STAT5A: variants seen among roughly 807,000 people sequenced by gnomAD.
The protein encoded by STAT5A is epididymis secretory sperm binding protein.
STAT5A carries 26 observed loss-of-function variants against 100.2 expected under a neutral mutation model. The observed-to-expected ratio is 0.26, with a 90% CI of 0.19 to 0.36. The LOEUF (loss-of-function observed/expected upper bound fraction) is 0.36, where lower values mean the gene tolerates loss of function less well. STAT5A is among the 10% of genes least tolerant of loss of function. The pLI is 1.00. For synonymous variants in STAT5A, 330 were observed against 424.3 expected (o/e 0.78, Z 2.73); for missense variants, 634 against 1,027.5 (o/e 0.62, Z 5.24).
chr17:42,296,621 C>CTTCTTTTCTTTTTTTCTTT (rs1555558032), intron 5 of STAT5A, among the ~76,000 whole-genome samples: 1 of 152,018 alleles, frequency 6.6e-6, no homozygotes, highest in Non-Finnish European at 1.5e-5. Context: ...TTAGACCTTT[C>CTTCTTTTCTTTTTTTCTTT]TTCTTTTCTT....
chr17:42,300,594 A>C (rs886247105), intron 7 of STAT5A, 121 bp from the exon 8 acceptor site: 4 of 883,258 alleles, frequency 4.5e-6, no homozygotes, highest in African/African-American at 1.7e-5. Flanking sequence ...TGCTCTTCCC[A>C]TGGGTGGGAA....
At chr17:42,307,185 G>A (rs2081037144) in intron 13 of STAT5A, among the ~76,000 whole-genome samples, 1 of 152,164 alleles carries the variant, frequency 6.6e-6, no homozygotes, top group South Asian at 2.1e-4. Flanking sequence ...CCACCCTTGG[G>A]CTGGTCTTGG....
rs1223535497 is a variant in STAT5A, at chr17:42,301,440, T to C, written c.1155T>C (p.Asn385=). 1.2e-6 allele frequency: 2 copies of C among 1,613,998 alleles called. No individual in the cohort carries two copies. Among genetic ancestry groups the C allele is most frequent in the Non-Finnish European group, 8.5e-7 (1 of 1,180,008 alleles). ...SEQQAKSLLK[N]ENTRNECSGE... ...AGCAGGCCAAGTCTCTGCTTAAAAATGAGAACACCCGCAAGTAATTGTGCC... is the reference window on the plus strand; with the variant it reads ...AGCAGGCCAAGTCTCTGCTTAAAAACGAGAACACCCGCAAGTAATTGTGCC... Residue 385 remains asparagine (N), a synonymous_variant, in exon 9 of 19, where the codon AAT becomes AAC. Transcript: ENST00000590949.
chr17:42,304,329 C>A lies in STAT5A; in HGVS notation c.1170-13C>A. The A allele has an allele frequency of 6.2e-7, 1 of 1,613,826 alleles. No individual in the cohort carries two copies. The highest frequency in any genetic ancestry group is 1.1e-5 in the South Asian group (1 of 91,068). On this transcript the variant is annotated splice_polypyrimidine_tract_variant and intron_variant, in intron 9 of 18. Coordinates refer to ENST00000590949, the MANE Select transcript of STAT5A (RefSeq NM_001288718.2). The surrounding 1 kb of genome is among the most constrained non-coding windows in gnomAD (Gnocchi z 4.8). ...GGGCCCATGTGGAGCTGGGACCCCCCTCTCCTTTGCAGCGAGTGCAGTGGT... is the reference window on the plus strand; with the variant it reads ...GGGCCCATGTGGAGCTGGGACCCCCATCTCCTTTGCAGCGAGTGCAGTGGT...
intron 4 of STAT5A, among the ~76,000 whole-genome samples, chr17:42,294,603 A>T (rs1449939320): frequency 6.6e-6 from 1 of 152,220 alleles, no homozygotes; most frequent in African/African-American, 2.4e-5. Flanking sequence ...CTGCAATGGT[A>T]CCAGTTAAAG....
At position 42,300,868 on chromosome 17, in the gene STAT5A, C is replaced by T; in HGVS notation, c.987C>T (p.Thr329=). The part of the protein sequence containing the change: ...TITDIISALV[T]STFIIEKQPP... ...CGGACATTATCTCAGCCCTGGTGAC[C>T]AGGTGACTGCTGCCTGTTTGCCATG... The change falls in exon 8 of 19, where the codon ACC becomes ACT. Residue 329 remains threonine, a splice_region_variant and synonymous_variant. Coordinates refer to ENST00000590949, the MANE Select transcript of STAT5A (RefSeq NM_001288718.2). The T allele has an allele frequency of 1.2e-6, 2 of 1,611,038 alleles. No homozygotes were observed. The highest frequency in any genetic ancestry group is 2.2e-5 in the South Asian group (2 of 90,682).
chr17:42,289,417 G>T lies in STAT5A; in HGVS notation c.6G>T (p.Ala2=), dbSNP rs1253500705. The T allele has an allele frequency of 1.9e-6, 3 of 1,610,130 alleles. No homozygotes were observed. The South Asian group carries it at 3.3e-5, about 18-fold the overall frequency. Residue 2 remains alanine (A), a synonymous_variant, in exon 2 of 19, where the codon GCG becomes GCT. Transcript: ENST00000590949. ...CTCGCCCTAGGTGAACGGCCATGGCGGGCTGGATCCAGGCCCAGCAGCTGC... is the reference window on the plus strand; with the variant it reads ...CTCGCCCTAGGTGAACGGCCATGGCTGGCTGGATCCAGGCCCAGCAGCTGC... M[A]GWIQAQQLQG...
intron 9 of STAT5A, among the ~76,000 whole-genome samples, chr17:42,303,260 T>C (rs1230651487): frequency 2.0e-5 from 3 of 151,394 alleles, no homozygotes; most frequent in Non-Finnish European, 4.4e-5. Context: ...AAAAAAAGTT[T>C]ACTGATTTCC....
intron 5 of STAT5A, among the ~76,000 whole-genome samples, chr17:42,298,015 A>G (rs1336201863): frequency 7.7e-6 from 1 of 129,620 alleles, no homozygotes; most frequent in East Asian, 2.6e-4. Flanking sequence ...TAATAGTCCC[A>G]GTGTGGTGGA....
rs766349148 is a variant in STAT5A at position 42,305,590 on chromosome 17, G to A, written c.1381-20G>A. The A allele has an allele frequency of 3.7e-5, 60 of 1,612,448 alleles. No homozygotes were observed. Among genetic ancestry groups the A allele is most frequent in the Non-Finnish European group, 4.7e-5 (55 of 1,178,642 alleles). ...GTGGTGGTCACGCCCCATCAACTTG[G>A]GTTCCTTTGACTCCTGTAGACTCTG... On this transcript the variant is annotated intron_variant, in intron 11 of 18. Coordinates refer to ENST00000590949, the MANE Select transcript of STAT5A (RefSeq NM_001288718.2).
intron 5 of STAT5A, among the ~76,000 whole-genome samples, chr17:42,297,370 A>G (rs2080928971): frequency 6.6e-6 from 1 of 152,064 alleles, no homozygotes; most frequent in South Asian, 2.1e-4. Context: ...AAGTCCTTAG[A>G]CTGTCGACAG....
At position 42,300,779 on chromosome 17, in the gene STAT5A, T is replaced by G. The variant is rs1459769051; in HGVS notation, c.898T>G (p.Cys300Gly). The change falls in exon 8 of 19, where the codon TGC (cysteine) becomes GGC (glycine). Residue 300 changes from cysteine (C) to glycine (G), a missense_variant. Coordinates refer to ENST00000590949, the MANE Select transcript of STAT5A (RefSeq NM_001288718.2). ...RQQIRRAEHL[C>G]QQLPIPGPVE... The stretch of plus-strand genomic sequence containing the variant: ...GCAGATCCGCAGGGCTGAGCACCTC[T>G]GCCAGCAGCTGCCCATCCCCGGCCC... 1 of 1,612,720 alleles carries G rather than the reference T, an allele frequency of 6.2e-7. No homozygotes were observed. The highest frequency in any genetic ancestry group is 1.1e-5 in the South Asian group (1 of 91,026).
In STAT5A at chr17:42,307,656, G is replaced by T. The variant is rs751450981; in HGVS notation, c.1839G>T (p.Gly613=). ...AHDLLINKPD[G]TFLLRFSDSE... ...ACCTGCTCATCAACAAGCCCGACGG[G>T]ACCTTCTTGTTGCGCTTTAGTGACT... is the stretch of plus-strand genomic sequence containing the variant. The change falls in exon 15 of 19, where the codon GGG becomes GGT. Residue 613 remains glycine (G), a synonymous_variant. Coordinates refer to ENST00000590949, the MANE Select transcript of STAT5A (RefSeq NM_001288718.2). The T allele has an allele frequency of 6.2e-6, 10 of 1,613,952 alleles. No homozygotes were observed. The Admixed American group carries it at 1.7e-4, about 27-fold the overall frequency.
chr17:42,304,342 C>G lies in STAT5A; in HGVS notation c.1170C>G (p.Asn390Lys). The G allele has an allele frequency of 1.2e-6, 2 of 1,614,126 alleles. No individual in the cohort carries two copies. Among genetic ancestry groups the G allele is most frequent in the East Asian group, 2.2e-5 (1 of 44,888 alleles). Residue 390 changes from asparagine (N) to lysine (K), a missense_variant and splice_region_variant, in exon 10 of 19, where the codon AAC becomes AAG. Coordinates refer to ENST00000590949, the MANE Select transcript of STAT5A (RefSeq NM_001288718.2). The surrounding 1 kb of genome is among the most constrained non-coding windows in gnomAD (Gnocchi z 4.8). ...GCTGGGACCCCCCTCTCCTTTGCAG[C>G]GAGTGCAGTGGTGAGATCCTGAACA... ...KSLLKNENTR[N>K]ECSGEILNNC... is the part of the protein sequence containing the mutation.
chr17:42,292,529 T>C (rs565964118), intron 4 of STAT5A, among the ~76,000 whole-genome samples: 3 of 150,048 alleles, frequency 2.0e-5, no homozygotes, highest in African/African-American at 4.9e-5. Flanking sequence ...GGGGTTTCAC[T>C]GTGTTAGCCA....
At chr17:42,291,291 G>A (rs773773571) in intron 3 of STAT5A, among the ~76,000 whole-genome samples, 52 of 152,328 alleles carry the variant, frequency 3.4e-4, no homozygotes, top group South Asian at 6.2e-4. Flanking sequence ...CAGATGAAGC[G>A]TCACTCACTT....
chr17:42,295,861 G>T, intron 5 of STAT5A, 68 bp downstream of exon 5: 1 of 1,569,684 alleles, frequency 6.4e-7, no homozygotes. Context: ...GACTCCTAGA[G>T]GGTAGAGCTG....
rs1321035996 is a variant in STAT5A at position 42,295,787 on chromosome 17, A to G, written c.544A>G (p.Ile182Val). 4 of 1,614,002 alleles carry G rather than the reference A, an allele frequency of 2.5e-6. No individual in the cohort carries two copies. Among genetic ancestry groups the G allele is most frequent in the Non-Finnish European group, 3.4e-6 (4 of 1,179,982 alleles). The change falls in exon 5 of 19, where the codon ATC becomes GTC. Residue 182 changes from isoleucine (I) to valine (V), a missense_variant. Ile to Val is a conservative substitution (Grantham distance 29, BLOSUM62 3). Coordinates refer to ENST00000590949, the MANE Select transcript of STAT5A (RefSeq NM_001288718.2). Reference sequence around the variant, plus strand: ...CATCCAGTACCAGGAGAGCCTGAGGATCCAAGGTGAGGCGCGGTGGAGGCA... The same window carrying G: ...CATCCAGTACCAGGAGAGCCTGAGGGTCCAAGGTGAGGCGCGGTGGAGGCA... ...FIIQYQESLR[I>V]QAQFAQLAQL...
chr17:42,309,465 T>A lies in STAT5A; in HGVS notation c.2203T>A (p.Tyr735Asn). Residue 735 changes from tyrosine (Y) to asparagine (N), a missense_variant, in exon 18 of 19, where the codon TAT (tyrosine) becomes AAT (asparagine). Transcript: ENST00000590949. Reference protein sequence around the residue: ...PSPAVCPQAPYNMYPQNPDHV... With the variant: ...PSPAVCPQAPNNMYPQNPDHV... ...CCCAGCTGTGTGCCCCCAGGCTCCC[T>A]ATAACATGTACCCACAGAAGTAGGT... is the stretch of plus-strand genomic sequence containing the variant. 2 of 1,614,034 alleles carry A rather than the reference T, an allele frequency of 1.2e-6. No homozygotes were observed. Among genetic ancestry groups the A allele is most frequent in the Non-Finnish European group, 1.7e-6 (2 of 1,179,954 alleles).
Sources: gnomAD v4.1 joint callset for allele counts (sites outside exome capture counted in the v4.1 genomes callset) on GRCh38, gnomAD v4.1.1 for gene constraint, Gnocchi (gnomAD v3.1) non-coding constraint, MANE v1.5 for transcripts, NCBI Gene and HGNC (gene_info 2026-07-23, HGNC 2026-07-21) for gene names.